The following FHIP2A variants were observed in gnomAD, a reference collection of about 807,000 sequenced individuals.
FHIP2A encodes the protein FHF complex subunit HOOK interacting protein 2A.
A neutral mutation model predicts 93.5 loss-of-function variants in FHIP2A; 46 were observed. The ratio of observed to expected loss-of-function variants is 0.49; its 90% CI spans 0.39 to 0.63. The LOEUF is 0.63. Ranked by LOEUF, FHIP2A falls within the 20% of genes least tolerant of loss-of-function variation. The pLI, the probability that FHIP2A is intolerant of heterozygous loss-of-function variation, is 0.00. For synonymous variants in FHIP2A, 332 were observed against 326.5 expected, an observed-to-expected ratio of 1.02 and a Z score of -0.18; for missense variants, 769 against 909.7, an observed-to-expected ratio of 0.85 and a Z score of 1.99.
At chr10:114,884,126 A>C (rs1440345537) in intron 16 of FHIP2A, among the ~76,000 whole-genome samples, 1 of 152,188 alleles carries the variant, frequency 6.6e-6, no homozygotes, top group East Asian at 1.9e-4. Flanking sequence ...TAAGAGTTAG[A>C]AACTCAACTT....
chr10:114,894,989 G>A (rs949180192), intron 16 of FHIP2A, among the ~76,000 whole-genome samples: 1 of 152,182 alleles, frequency 6.6e-6, no homozygotes, highest in African/African-American at 2.4e-5. Context: ...ATACACTGTA[G>A]CCTGCTGTTC....
At chr10:114,876,035 G>A (rs1469550264) in intron 16 of FHIP2A, among the ~76,000 whole-genome samples, 1 of 152,166 alleles carries the variant, frequency 6.6e-6, no homozygotes, top group Non-Finnish European at 1.5e-5. Context: ...AAAAGCTCTA[G>A]AAGGAAGAAA....
At chr10:114,878,806 A>G (rs1344149419) in intron 16 of FHIP2A, among the ~76,000 whole-genome samples, 1 of 151,454 alleles carries the variant, frequency 6.6e-6, no homozygotes, top group Non-Finnish European at 1.5e-5. Context: ...AAAGAAAGAA[A>G]GAAAGAAAAG....
intron 8 of FHIP2A, 135 bp from the exon 9 acceptor site, chr10:114,845,875 GCCA>G (rs1220069156): frequency 1.5e-6 from 1 of 647,042 alleles, no homozygotes; most frequent in African/African-American, 1.8e-5. Flanking sequence ...AGATTTATAT[GCCA>G]CCAATAAGAG....
At chr10:114,847,571 T>C (rs1021244018) in intron 12 of FHIP2A, among the ~76,000 whole-genome samples, 1 of 152,070 alleles carries the variant, frequency 6.6e-6, no homozygotes, top group Non-Finnish European at 1.5e-5. Context: ...ATGTAAGAGC[T>C]CTGCTCTTAG....
chr10:114,823,961 G>A (rs549661761), intron 1 of FHIP2A, among the ~76,000 whole-genome samples: 16 of 152,266 alleles, frequency 1.1e-4, no homozygotes, highest in Non-Finnish European at 2.1e-4. Context: ...AAAAAATTCT[G>A]CAGAGTTCCA....
At chr10:114,888,854 C>T (rs1259278279) in intron 16 of FHIP2A, among the ~76,000 whole-genome samples, 2 of 152,132 alleles carry the variant, frequency 1.3e-5, no homozygotes, top group African/African-American at 4.8e-5. Flanking sequence ...CTGCCCACCT[C>T]GGCTTCTCAA....
chr10:114,841,288 A>G (rs1421292661), intron 5 of FHIP2A, among the ~76,000 whole-genome samples: 1 of 131,194 alleles, frequency 7.6e-6, no homozygotes, highest in Non-Finnish European at 1.6e-5. Flanking sequence ...ATGATATGCC[A>G]TTGGTTTTTT....
intron 1 of FHIP2A, among the ~76,000 whole-genome samples, chr10:114,823,718 C>T (rs1289221912): frequency 1.3e-5 from 2 of 150,812 alleles, no homozygotes; most frequent in Admixed American, 6.6e-5. Context: ...AGGCTGCTCT[C>T]GAACTCCTGA....
chr10:114,882,573 C>T (rs1340193305), intron 16 of FHIP2A, among the ~76,000 whole-genome samples: 1 of 152,144 alleles, frequency 6.6e-6, no homozygotes, highest in Non-Finnish European at 1.5e-5. Context: ...CACCTGTCAT[C>T]GCAATGTGGG....
intron 16 of FHIP2A, among the ~76,000 whole-genome samples, chr10:114,886,885 A>T (rs2083945946): frequency 6.6e-6 from 1 of 152,042 alleles, no homozygotes; most frequent in South Asian, 2.1e-4. Flanking sequence ...CAGCCTCCCA[A>T]GTAGCTGGGA....
chr10:114,832,710 A>ATT (rs35892795), intron 2 of FHIP2A, among the ~76,000 whole-genome samples: 3,951 of 125,220 alleles, frequency 0.032, 197 homozygotes, highest in African/African-American at 0.1. Flanking sequence ...TATATTTGAG[A>ATT]TTTTTTTTTT....
chr10:114,821,897 G>A lies in FHIP2A; in HGVS notation c.-182G>A, dbSNP rs1473362764. 1 of 310,312 alleles carries A rather than the reference G, an allele frequency of 3.2e-6. No individual in the cohort carries two copies. Among genetic ancestry groups the A allele is most frequent in the Non-Finnish European group, 5.9e-6 (1 of 169,624 alleles). The allele number at this position is 310,312 out of a possible 1,614,324, so 19.2% of individuals were successfully genotyped here. A position where few individuals can be genotyped will look rare whatever the true frequency, so the allele number is the denominator to read the frequency against. On this transcript the variant is annotated 5_prime_UTR_variant, in exon 1 of 17. Transcript: ENST00000369248. ...CGTCCCGGCGCCCTCCGGAGCCGCC[G>A]AGCCGCCCGCGCACACCTGAAGCGG...
chr10:114,888,588 CTTTTCTTTTTTTCTTTTTTCT>C lies in FHIP2A; in HGVS notation c.2193-10890_2193-10870del, dbSNP rs558178427. Among the ~76,000 whole-genome samples the C allele has an allele frequency of 6.5e-4, 99 of 152,212 alleles. 2 individuals are homozygous for C. In the South Asian group the frequency reaches 0.02, roughly 31 times the overall value. ...GCACCTCCAGATCATGAAGGTGGAA[CTTTTCTTTTTTTCTTTTTTCT>C]TTTTCTTTTTTGAGACAGGTTCTTG... On this transcript the variant is annotated intron_variant, in intron 16 of 16. Transcript: ENST00000369250.
At chr10:114,891,599 ATGTGTG>A (rs545699733) in intron 16 of FHIP2A, among the ~76,000 whole-genome samples, 1 of 141,840 alleles carries the variant, frequency 7.1e-6, no homozygotes, top group East Asian at 2.0e-4. Flanking sequence ...GTGTGTATAT[ATGTGTG>A]TGTGTGTGTA....
chr10:114,885,460 A>C (rs2083938435), intron 16 of FHIP2A, among the ~76,000 whole-genome samples: 1 of 151,976 alleles, frequency 6.6e-6, no homozygotes, highest in Non-Finnish European at 1.5e-5. Context: ...TTTCATTTTA[A>C]GGCTGGGAAT....
chr10:114,846,345 A>G lies in FHIP2A; in HGVS notation c.1376A>G (p.His459Arg). Residue 459 changes from histidine (H) to arginine (R), a missense_variant, in exon 10 of 17, where the codon CAT (histidine) becomes CGT (arginine). By Grantham distance (29) the His-to-Arg change is conservative. Transcript: ENST00000369248. ...CCTTTAAGGCATAGGTTAATTGAAC[A>G]TTGTGATCACATATCTGATGAGGTA... ...RHPLRHRLIE[H>R]CDHISDEISI... is the part of the protein sequence containing the mutation. The G allele has an allele frequency of 1.2e-6, 2 of 1,614,036 alleles. No homozygotes were observed. Among genetic ancestry groups the G allele is most frequent in the Non-Finnish European group, 1.7e-6 (2 of 1,179,926 alleles).
At chr10:114,827,754 G>A (rs1040753064) in intron 1 of FHIP2A, among the ~76,000 whole-genome samples, 2 of 136,316 alleles carry the variant, frequency 1.5e-5, no homozygotes, top group Admixed American at 8.6e-5. Flanking sequence ...CCGAGATCAC[G>A]CCACTGCACT....
chr10:114,882,186 A>G (rs1483688774), intron 16 of FHIP2A, among the ~76,000 whole-genome samples: 1 of 152,086 alleles, frequency 6.6e-6, no homozygotes, highest in Admixed American at 6.6e-5. Context: ...ACTGTTGCTC[A>G]CCTCCAGAAG....
Sources: allele counts gnomAD v4.1 joint callset (sites outside exome capture counted in the v4.1 genomes callset), GRCh38; gene constraint gnomAD v4.1.1; transcripts MANE v1.5; gene names NCBI Gene and HGNC (gene_info 2026-07-23, HGNC 2026-07-21).